SUPV3L1: variants seen among roughly 807,000 people sequenced by gnomAD.
SUPV3L1 encodes ATP-dependent RNA helicase SUPV3L1, mitochondrial.
A neutral mutation model predicts 70.0 loss-of-function variants in SUPV3L1; 35 were observed. The observed-to-expected ratio is 0.50, with a 90% CI of 0.38 to 0.66. SUPV3L1 has a LOEUF of 0.66. SUPV3L1 is among the 30% of genes least tolerant of loss of function. SUPV3L1 has a pLI of 0.00. For synonymous variants in SUPV3L1, 364 were observed against 341.9 expected, an observed-to-expected ratio of 1.06 and a Z score of -0.71; for missense variants, 777 against 961.5, an observed-to-expected ratio of 0.81 and a Z score of 2.54.
chr10:69,193,452 G>GTTTTT (rs11321429), intron 6 of SUPV3L1, among the ~76,000 whole-genome samples: 1 of 131,090 alleles, frequency 7.6e-6, no homozygotes, highest in African/African-American at 2.9e-5. Context: ...TCACGAAGTA[G>GTTTTT]TTTTTTTTTT....
In SUPV3L1 at chr10:69,180,582, A is replaced by T; in HGVS notation, c.271+20A>T. 6.2e-7 allele frequency: 1 copy of T among 1,610,510 alleles called. No homozygotes were observed. Among genetic ancestry groups the T allele is most frequent in the Non-Finnish European group, 8.5e-7 (1 of 1,178,458 alleles). ...ACAAGAGTGAGTGCGGGAACTACTG[A>T]GGGCGGCAGAGGGTGGTGTCTGCTG... On this transcript the variant is annotated intron_variant, in intron 1 of 14. Coordinates refer to ENST00000359655, the MANE Select transcript of SUPV3L1 (RefSeq NM_003171.5).
At position 69,191,669 on chromosome 10, in the gene SUPV3L1, C is replaced by T. The variant is rs765615643; in HGVS notation, c.756C>T (p.Asp252=). 3.7e-5 allele frequency: 60 copies of T among 1,613,802 alleles called. No homozygotes were observed. Among genetic ancestry groups the T allele is most frequent in the Non-Finnish European group, 4.4e-5 (52 of 1,179,910 alleles). The change falls in exon 6 of 15, where the codon GAC becomes GAT. Residue 252 remains aspartate, a synonymous_variant. Coordinates refer to ENST00000359655, the MANE Select transcript of SUPV3L1 (RefSeq NM_003171.5). ...TGTCTTTCTAGGGTGTGCCATGTGA[C>T]TTGGTGACAGGTGAAGAGCGTGTGA... ...EKSNAAGVPC[D]LVTGEERVTV...
At chr10:69,196,158 G>T (rs916875550) in intron 7 of SUPV3L1, among the ~76,000 whole-genome samples, 1 of 152,048 alleles carries the variant, frequency 6.6e-6, no homozygotes, top group Non-Finnish European at 1.5e-5. Context: ...GTGAATTTTT[G>T]ATCATGTTTT....
intron 10 of SUPV3L1, among the ~76,000 whole-genome samples, chr10:69,199,861 C>T (rs10733850): frequency 0.87 from 131,694 of 152,130 alleles, 57,294 homozygotes; most frequent in Non-Finnish European, 0.91. Flanking sequence ...TTATTTATTT[C>T]TGAGACAGAG....
chr10:69,186,423 T>C lies in SUPV3L1; in HGVS notation c.350-20T>C. On this transcript the variant is annotated intron_variant, in intron 2 of 14. Coordinates refer to ENST00000359655, the MANE Select transcript of SUPV3L1 (RefSeq NM_003171.5). Reference sequence around the variant, plus strand: ...AAATGAGAACTACACCTTACATCTTTTCATTTTGTGTTTCTACAGCTCGTC... The same window carrying C: ...AAATGAGAACTACACCTTACATCTTCTCATTTTGTGTTTCTACAGCTCGTC... 2 of 1,579,682 alleles carry C rather than the reference T, an allele frequency of 1.3e-6. No homozygotes were observed.
At chr10:69,190,015 A>G (rs977660385) in intron 5 of SUPV3L1, among the ~76,000 whole-genome samples, 1 of 152,240 alleles carries the variant, frequency 6.6e-6, no homozygotes, top group Admixed American at 6.5e-5. Context: ...AGTACAGTGA[A>G]TGAAATACAA....
At chr10:69,187,577 T>A in intron 3 of SUPV3L1, 65 bp from the exon 4 acceptor site, 1 of 1,202,924 alleles carries the variant, frequency 8.3e-7, no homozygotes, top group Non-Finnish European at 1.2e-6. Context: ...GAAAAAAGAT[T>A]TCACTAAATT....
intron 3 of SUPV3L1, 139 bp downstream of exon 3, chr10:69,186,689 C>A: frequency 1.5e-6 from 1 of 682,124 alleles, no homozygotes; most frequent in Non-Finnish European, 2.5e-6. Flanking sequence ...TCAGTGCTTT[C>A]ACAGGATGAC....
At chr10:69,191,894 C>T (rs1842409155) in intron 6 of SUPV3L1, 128 bp downstream of exon 6, 1 of 584,062 alleles carries the variant, frequency 1.7e-6, no homozygotes, top group Non-Finnish European at 2.9e-6. Flanking sequence ...GCGACCTCTG[C>T]CTCCCCAGTT....
intron 5 of SUPV3L1, 106 bp downstream of exon 5, chr10:69,189,541 A>C: frequency 8.4e-7 from 1 of 1,191,920 alleles, no homozygotes; most frequent in Non-Finnish European, 1.1e-6. Context: ...AAATTACCAT[A>C]TTTCATTGTG....
At chr10:69,189,646 C>CTTTTTT (rs34718589) in intron 5 of SUPV3L1, among the ~76,000 whole-genome samples, 4 of 125,054 alleles carry the variant, frequency 3.2e-5, no homozygotes, top group Non-Finnish European at 4.9e-5. Context: ...GCTATCAATT[C>CTTTTTT]TTTTTTTTTT....
chr10:69,188,347 T>C (rs1441821869), intron 4 of SUPV3L1, among the ~76,000 whole-genome samples: 3 of 152,170 alleles, frequency 2.0e-5, no homozygotes, highest in African/African-American at 4.8e-5. Context: ...GACTGTCATA[T>C]TCTGCTTGGG....
chr10:69,188,735 G>T (rs1014246948), intron 4 of SUPV3L1, among the ~76,000 whole-genome samples: 2 of 152,138 alleles, frequency 1.3e-5, no homozygotes, highest in Non-Finnish European at 2.9e-5. Context: ...CTGACCTCAA[G>T]TGATCCTCCT....
At chr10:69,181,130 G>A (rs765997993) in intron 1 of SUPV3L1, among the ~76,000 whole-genome samples, 2 of 152,322 alleles carry the variant, frequency 1.3e-5, no homozygotes, top group South Asian at 2.1e-4. Context: ...CTAGAACAAG[G>A]TAGGGTGTCC....
At chr10:69,182,274 C>T (rs545350595) in intron 1 of SUPV3L1, among the ~76,000 whole-genome samples, 59 of 152,250 alleles carry the variant, frequency 3.9e-4, no homozygotes, top group Middle Eastern at 6.8e-3. Context: ...AGATTACAGA[C>T]CTGAGCCACT....
In SUPV3L1 at chr10:69,197,067, C is replaced by T. The variant is rs746095108; in HGVS notation, c.1007C>T (p.Thr336Met). 24 of 1,613,782 alleles carry T rather than the reference C, an allele frequency of 1.5e-5. No individual in the cohort carries two copies. Among genetic ancestry groups the T allele is most frequent in the Admixed American group, 8.3e-5 (5 of 59,984 alleles). The change falls in exon 8 of 15, where the codon ACG (threonine) becomes ATG (methionine). Residue 336 changes from threonine to methionine, a missense_variant. This residue lies in a region of SUPV3L1 where 619 missense variants were observed against 823.3 expected (regional missense o/e 0.75). Transcript: ENST00000359655. ...CTGGTGATGGAGCTTATGTACACAA[C>T]GGGGGAGGAAGTGGAGGTATTCGAT... ...IDLVMELMYT[T>M]GEEVEVRDYK... is the part of the protein sequence containing the mutation.
In SUPV3L1 at chr10:69,185,992, G is replaced by A; in HGVS notation, c.277G>A (p.Val93Ile). ...ELTRPLDKNE[V>I]KKVLDKFYKR... ...TTTTGACATCTCTCTTCTAGATGAA[G>A]TAAAGAAGGTCTTAGACAAATTTTA... is the stretch of plus-strand genomic sequence containing the variant. The change falls in exon 2 of 15, where the codon GTA (valine) becomes ATA (isoleucine). Residue 93 changes from valine to isoleucine, a missense_variant. Physicochemically the swap from Val to Ile is conservative, Grantham distance 29. Transcript: ENST00000359655. 1 of 1,611,274 alleles carries A rather than the reference G, an allele frequency of 6.2e-7. No individual in the cohort carries two copies. The highest frequency in any genetic ancestry group is 8.5e-7 in the Non-Finnish European group (1 of 1,178,070).
intron 13 of SUPV3L1, among the ~76,000 whole-genome samples, chr10:69,205,814 C>T (rs773697337): frequency 1.3e-5 from 2 of 152,240 alleles, no homozygotes; most frequent in African/African-American, 2.4e-5. Flanking sequence ...GGATTACAGG[C>T]ATGAGCCACC....
chr10:69,189,203 G>A, intron 4 of SUPV3L1, 64 bp from the exon 5 acceptor site: 1 of 1,502,510 alleles, frequency 6.7e-7, no homozygotes. Context: ...TGTTTCATTT[G>A]CTGTCTTTGC....
Sources: gnomAD v4.1 joint callset for allele counts (sites outside exome capture counted in the v4.1 genomes callset) on GRCh38, gnomAD v4.1.1 for gene constraint, gnomAD v4.1.1 regional missense constraint, MANE v1.5 for transcripts, NCBI Gene and HGNC (gene_info 2026-07-23, HGNC 2026-07-21) for gene names.